The following SPDYA variants were observed in gnomAD, a reference collection of about 807,000 sequenced individuals.
SPDYA encodes the protein speedy protein A.
A neutral mutation model predicts 36.7 loss-of-function variants in SPDYA; 11 were observed. The ratio of observed to expected loss-of-function variants is 0.30; its 90% CI spans 0.19 to 0.50. SPDYA has a LOEUF of 0.50. Among genes scored for constraint, SPDYA ranks in the 20% least tolerant of loss-of-function variants. The pLI is 0.98. For synonymous variants in SPDYA, 115 were observed against 118.7 expected, an observed-to-expected ratio of 0.97 and a Z score of 0.20; for missense variants, 287 against 370.9, an observed-to-expected ratio of 0.77 and a Z score of 1.86.
At chr2:28,832,323 G>A (rs1668498130) in intron 6 of SPDYA, among the ~76,000 whole-genome samples, 1 of 152,076 alleles carries the variant, frequency 6.6e-6, no homozygotes, top group African/African-American at 2.4e-5. Flanking sequence ...TCTTCACTTG[G>A]TTTTGAGGAT....
intron 5 of SPDYA, among the ~76,000 whole-genome samples, 193 bp from the exon 6 acceptor site, chr2:28,828,955 T>C (rs1470670137): frequency 2.0e-5 from 3 of 152,222 alleles, no homozygotes; most frequent in Non-Finnish European, 4.4e-5. Context: ...TCAAGATTTG[T>C]AGGAATAAGA....
chr2:28,837,742 CTTTTTTTTTTTTT>C (rs201687264), intron 6 of SPDYA, among the ~76,000 whole-genome samples: 62,581 of 133,442 alleles, frequency 0.47, 14,035 homozygotes, highest in East Asian at 0.78. Flanking sequence ...AGAGTCAGTG[CTTTTTTTTTTTTT>C]TTTTTTTTTA....
intron 6 of SPDYA, among the ~76,000 whole-genome samples, chr2:28,832,827 T>C (rs1436384105): frequency 6.7e-6 from 1 of 149,484 alleles, no homozygotes; most frequent in Non-Finnish European, 1.5e-5. Flanking sequence ...TTCCAAATAG[T>C]CTCTCCCACC....
At chr2:28,813,531 C>G (rs1381916334) in intron 1 of SPDYA, among the ~76,000 whole-genome samples, 1 of 151,756 alleles carries the variant, frequency 6.6e-6, no homozygotes, top group Non-Finnish European at 1.5e-5. Context: ...ATCCTGAGTA[C>G]TCTTTAGTTT....
In SPDYA at chr2:28,822,410, TGTAA is replaced by T. The variant is rs1396100181; in HGVS notation, c.380+4_380+7del. The stretch of plus-strand genomic sequence containing the variant: ...ACCAGGATAAATTTCTTTATTGCTC[TGTAA>T]GTATACTTTCTACTAAGTGATTGTT... On this transcript the variant is annotated splice_donor_variant and splice_donor_region_variant and intron_variant, in intron 5 of 7. Transcript: ENST00000334056. LOFTEE classifies it high-confidence loss of function. 2 of 1,480,598 alleles carry T rather than the reference TGTAA, an allele frequency of 1.4e-6. No homozygotes were observed. Among genetic ancestry groups the T allele is most frequent in the Admixed American group, 2.0e-5 (1 of 49,864 alleles). The allele number at this position is 1,480,598 out of a possible 1,614,324, so 91.7% of individuals were successfully genotyped here.
chr2:28,828,837 C>G (rs1421444499), intron 5 of SPDYA, among the ~76,000 whole-genome samples: 1 of 152,194 alleles, frequency 6.6e-6, no homozygotes, highest in African/African-American at 2.4e-5. Flanking sequence ...TGAGGAATAA[C>G]TAGCCCCAGA....
chr2:28,827,169 T>C (rs1668348947), intron 5 of SPDYA, among the ~76,000 whole-genome samples: 1 of 151,340 alleles, frequency 6.6e-6, no homozygotes, highest in African/African-American at 2.4e-5. Flanking sequence ...CTCAATCTCC[T>C]GACTTCGTGA....
chr2:28,842,930 T>G (rs1282530444), intron 7 of SPDYA, among the ~76,000 whole-genome samples: 1 of 152,136 alleles, frequency 6.6e-6, no homozygotes, highest in African/African-American at 2.4e-5. Context: ...TCTTCCTCCA[T>G]TCCACCTAAG....
intron 7 of SPDYA, among the ~76,000 whole-genome samples, chr2:28,848,636 T>C (rs1455371003): frequency 6.6e-6 from 1 of 152,284 alleles, no homozygotes; most frequent in East Asian, 1.9e-4. Context: ...CTACGTTCTA[T>C]AATATGTTAT....
chr2:28,818,457 AAAAAGAG>A (rs1294290628), intron 3 of SPDYA, among the ~76,000 whole-genome samples: 1 of 149,732 alleles, frequency 6.7e-6, no homozygotes, highest in Non-Finnish European at 1.5e-5. Flanking sequence ...AAAAAAAAAA[AAAAAGAG>A]AAAGAGAGAA....
chr2:28,818,003 C>CAA (rs61620093), intron 3 of SPDYA, among the ~76,000 whole-genome samples: 111 of 144,494 alleles, frequency 7.7e-4, no homozygotes, highest in Middle Eastern at 7.5e-3. Flanking sequence ...CTCTACAATA[C>CAA]AAAAAAAAAA....
At chr2:28,840,150 A>C in intron 6 of SPDYA, 22 bp from the exon 7 acceptor site, 3 of 1,592,204 alleles carry the variant, frequency 1.9e-6, no homozygotes, top group Non-Finnish European at 1.7e-6. Context: ...CTAAAATTCT[A>C]AAAGTTAGCT....
At chr2:28,837,656 A>C (rs1238057383) in intron 6 of SPDYA, among the ~76,000 whole-genome samples, 3 of 151,876 alleles carry the variant, frequency 2.0e-5, no homozygotes, top group Non-Finnish European at 2.9e-5. Context: ...AGGAACAGAG[A>C]GGTTAAGTGA....
intron 5 of SPDYA, among the ~76,000 whole-genome samples, chr2:28,824,420 G>A (rs1668261219): frequency 6.9e-6 from 1 of 144,946 alleles, no homozygotes; most frequent in African/African-American, 2.5e-5. Context: ...CAAGGCTGCA[G>A]TGAGCTATGA....
At chr2:28,846,842 C>A (rs1668890902) in intron 7 of SPDYA, among the ~76,000 whole-genome samples, 1 of 151,634 alleles carries the variant, frequency 6.6e-6, no homozygotes, top group Non-Finnish European at 1.5e-5. Flanking sequence ...CTACTGAGCA[C>A]CATGTGCCAA....
At chr2:28,824,841 G>A (rs1456773364) in intron 5 of SPDYA, among the ~76,000 whole-genome samples, 2 of 151,936 alleles carry the variant, frequency 1.3e-5, no homozygotes, top group Non-Finnish European at 2.9e-5. Context: ...GAGCCACCGC[G>A]CCCAGCCAAA....
chr2:28,834,019 T>A (rs1274354644), intron 6 of SPDYA, among the ~76,000 whole-genome samples: 1 of 151,346 alleles, frequency 6.6e-6, no homozygotes, highest in East Asian at 1.9e-4. Flanking sequence ...AGACAATCAA[T>A]TTAAAAAATG....
chr2:28,850,023 T>C lies in SPDYA; in HGVS notation c.*82T>C. On this transcript the variant is annotated 3_prime_UTR_variant, in exon 8 of 8. Transcript: ENST00000334056. ...AAGACAAGTGTCAAAATGGGATGTT[T>C]AAGCAGTTTTGCTATGTTATACATC... 7.9e-7 allele frequency: 1 copy of C among 1,264,672 alleles called. No individual in the cohort carries two copies. Among genetic ancestry groups the C allele is most frequent in the Admixed American group, 2.2e-5 (1 of 45,194 alleles). 78.3% of individuals were successfully genotyped at this position (1,264,672 alleles called of 1,614,324 possible).
At chr2:28,816,754 T>C (rs1013431829) in intron 3 of SPDYA, among the ~76,000 whole-genome samples, 11 of 152,170 alleles carry the variant, frequency 7.2e-5, no homozygotes, top group Non-Finnish European at 2.9e-5. Context: ...GAAACTGAGT[T>C]TGAATTTGTT....
Sources: gnomAD v4.1 joint callset for allele counts (sites outside exome capture counted in the v4.1 genomes callset) on GRCh38, gnomAD v4.1.1 for gene constraint, MANE v1.5 for transcripts, NCBI Gene and HGNC (gene_info 2026-07-23, HGNC 2026-07-21) for gene names.